Variants in CEP135 observed in about 807,000 individuals in gnomAD.
CEP135 encodes centrosomal protein of 135 kDa.
CEP135 carries 142 observed loss-of-function variants against 157.3 expected under a neutral mutation model. That is an observed-to-expected ratio of 0.90 (90% CI 0.79 to 1.04). CEP135 has a LOEUF of 1.04. Among genes scored for constraint, CEP135 ranks in the 50% least tolerant of loss-of-function variants. The pLI is 0.00. For synonymous variants in CEP135, 396 were observed against 439.8 expected (o/e 0.90, Z 1.25); for missense variants, 1,317 against 1,309.2 (o/e 1.01, Z -0.09).
In CEP135 at chr4:56,011,851, G is replaced by A; in HGVS notation, c.2668G>A (p.Ala890Thr). 6.2e-7 allele frequency: 1 copy of A among 1,604,650 alleles called. No individual in the cohort carries two copies. Among genetic ancestry groups the A allele is most frequent in the Non-Finnish European group, 8.5e-7 (1 of 1,176,730 alleles). Residue 890 changes from alanine to threonine, a missense_variant, in exon 21 of 26, where the codon GCT (alanine) becomes ACT (threonine). By Grantham distance (58) the Ala-to-Thr change is moderately conservative. Coordinates refer to ENST00000257287, the MANE Select transcript of CEP135 (RefSeq NM_025009.5). ...TAGATTTCAGATGCTTCATAACCGTGCTGAAGACTGGGAGGTCAAAGCCCA... is the reference window on the plus strand; with the variant it reads ...TAGATTTCAGATGCTTCATAACCGTACTGAAGACTGGGAGGTCAAAGCCCA... ...LDRFQMLHNRAEDWEVKAHQA... is the reference protein window; with the variant it reads ...LDRFQMLHNRTEDWEVKAHQA...
At chr4:55,981,443 T>C (rs1729406469) in intron 13 of CEP135, 64 bp downstream of exon 13, 1 of 1,452,910 alleles carries the variant, frequency 6.9e-7, no homozygotes, top group Non-Finnish European at 9.2e-7. Context: ...TGTATATACA[T>C]TTTCCTGTGA....
chr4:55,965,395 T>C, intron 7 of CEP135: 1 of 364,830 alleles, frequency 2.7e-6, no homozygotes, highest in East Asian at 5.8e-5. Context: ...GAACTCTGTA[T>C]TGGGAAAAAG....
chr4:55,964,432 T>C, intron 7 of CEP135, 30 bp downstream of exon 7: 1 of 1,542,298 alleles, frequency 6.5e-7, no homozygotes. Flanking sequence ...TTTCACTGAG[T>C]GTATATAATG....
intron 21 of CEP135, among the ~76,000 whole-genome samples, chr4:56,015,437 G>T (rs1014725973): frequency 1.3e-5 from 2 of 152,234 alleles, no homozygotes; most frequent in African/African-American, 4.8e-5. Flanking sequence ...TCCAGATGAT[G>T]GAGCTACTGT....
rs1473650117 is a variant in CEP135, at chr4:55,981,245, G to C, written c.1645G>C (p.Ala549Pro). 6.3e-7 allele frequency: 1 copy of C among 1,586,972 alleles called. No individual in the cohort carries two copies. Among genetic ancestry groups the C allele is most frequent in the Non-Finnish European group, 8.5e-7 (1 of 1,172,440 alleles). ...LYNEAQEELS[A>P]LRKESTQTTA... Reference sequence around the variant, plus strand: ...CTTTAAGGCTCAGGAAGAATTATCTGCCCTAAGAAAGGAATCCACCCAAAC... The same window carrying C: ...CTTTAAGGCTCAGGAAGAATTATCTCCCCTAAGAAAGGAATCCACCCAAAC... The change falls in exon 13 of 26, where the codon GCC becomes CCC. Residue 549 changes from alanine to proline, a missense_variant. Transcript: ENST00000257287.
chr4:56,012,067 A>G, intron 21 of CEP135, 82 bp downstream of exon 21: 2 of 927,126 alleles, frequency 2.2e-6, no homozygotes, highest in Non-Finnish European at 2.9e-6. Flanking sequence ...TTATTTATTT[A>G]TTTTTTTTGA....
intron 19 of CEP135, 140 bp downstream of exon 19, chr4:56,010,043 T>A (rs1730516647): frequency 2.1e-6 from 2 of 948,854 alleles, no homozygotes; most frequent in Admixed American, 2.9e-5. Flanking sequence ...ATGGTGTTTA[T>A]CAGGGTATTA....
chr4:55,988,190 A>G (rs1263564164), intron 14 of CEP135, among the ~76,000 whole-genome samples: 1 of 144,088 alleles, frequency 6.9e-6, no homozygotes, highest in African/African-American at 2.6e-5. Flanking sequence ...TATAGAGTTG[A>G]GGTAGCTGTA....
intron 23 of CEP135, among the ~76,000 whole-genome samples, chr4:56,019,789 A>T (rs1730912086): frequency 1.3e-5 from 2 of 151,996 alleles, no homozygotes; most frequent in African/African-American, 4.8e-5. Context: ...TACAAAAAAA[A>T]AAAGCCAGGC....
At chr4:56,018,282 A>G (rs1734706826) in intron 22 of CEP135, among the ~76,000 whole-genome samples, 2 of 152,132 alleles carry the variant, frequency 1.3e-5, no homozygotes, top group African/African-American at 4.8e-5. Context: ...CCCAGCCTAC[A>G]ATAGTTACTT....
At chr4:56,008,437 G>A (rs1730436436) in intron 18 of CEP135, 55 bp downstream of exon 18, 1 of 1,354,434 alleles carries the variant, frequency 7.4e-7, no homozygotes, top group Non-Finnish European at 1.0e-6. Context: ...AGTGAATACA[G>A]CTTTATCTAT....
At chr4:55,950,286 T>C (rs1027091352) in intron 1 of CEP135, among the ~76,000 whole-genome samples, 5 of 152,164 alleles carry the variant, frequency 3.3e-5, no homozygotes, top group Non-Finnish European at 5.9e-5. Context: ...TCCTCATGTT[T>C]AAGTAGGGAT....
chr4:56,017,524 T>C lies in CEP135; in HGVS notation c.2803-124T>C. The C allele has an allele frequency of 3.9e-6, 3 of 772,976 alleles. No homozygotes were observed. The South Asian group carries it at 5.9e-5, about 15-fold the overall frequency. 47.9% of individuals were successfully genotyped at this position (772,976 alleles called of 1,614,324 possible). A position where few individuals can be genotyped will look rare whatever the true frequency, so the allele number is the denominator to read the frequency against. Reference sequence around the variant, plus strand: ...AATAGTAGGCAGCTTCCTGAGAGTATTTTAAAATAAGCAAAAATTGGCTGT... The same window carrying C: ...AATAGTAGGCAGCTTCCTGAGAGTACTTTAAAATAAGCAAAAATTGGCTGT... On this transcript the variant is annotated intron_variant, in intron 21 of 25. Coordinates refer to ENST00000257287, the MANE Select transcript of CEP135 (RefSeq NM_025009.5).
rs1811473 is a variant in CEP135, at chr4:55,969,247, C to T, written c.1110+119C>T. ...AGACCATCCAGCCACATCAACATGG[C>T]GAAACCCCGTCTCTACTAAAAATAC... On this transcript the variant is annotated intron_variant, in intron 9 of 25. Transcript: ENST00000257287. The T allele has an allele frequency of 0.51, 358,790 of 698,518 alleles. 93,757 individuals carry two copies. Among genetic ancestry groups the T allele is most frequent in the African/African-American group, 0.67 (36,362 of 54,418 alleles). The allele number at this position is 698,518 out of a possible 1,614,324, so 43.3% of individuals were successfully genotyped here. A position where few individuals can be genotyped will look rare whatever the true frequency, so the allele number is the denominator to read the frequency against.
rs1272878295 is a variant in CEP135 at position 56,031,822 on chromosome 4, TTTC to T, written c.*480_*482del. On this transcript the variant is annotated 3_prime_UTR_variant, in exon 26 of 26. Transcript: ENST00000257287. ...GATGCTATGCTGTCATGCTTAACTT[TTTC>T]TTCTTAAAATTATTCATAGATCTAC... 7 of 152,190 alleles carry T rather than the reference TTTC, an allele frequency of 4.6e-5. No homozygotes were observed. The highest frequency in any genetic ancestry group is 1.7e-4 in the African/African-American group (7 of 41,462). 9.4% of individuals were successfully genotyped at this position (152,190 alleles called of 1,614,324 possible).
At chr4:56,003,471 G>T (rs1331021018) in intron 17 of CEP135, among the ~76,000 whole-genome samples, 1 of 152,154 alleles carries the variant, frequency 6.6e-6, no homozygotes. Context: ...GCCTTCCAAA[G>T]TGCTGGGATT....
At chr4:56,029,940 G>GTA (rs1354401923) in intron 25 of CEP135, among the ~76,000 whole-genome samples, 2 of 152,120 alleles carry the variant, frequency 1.3e-5, no homozygotes, top group African/African-American at 4.8e-5. Flanking sequence ...TATAAACACT[G>GTA]TATACTTAGC....
At chr4:55,960,885 C>T (rs1370545323) in intron 6 of CEP135, 1 of 137,280 alleles carries the variant, frequency 7.3e-6, no homozygotes, top group East Asian at 2.2e-4. Flanking sequence ...GAGATCCCGC[C>T]ACTGCACTCC....
intron 6 of CEP135, among the ~76,000 whole-genome samples, chr4:55,963,005 T>A (rs1402035303): frequency 6.6e-6 from 1 of 152,198 alleles, no homozygotes; most frequent in African/African-American, 2.4e-5. Context: ...ACTGAACTTT[T>A]TCTCTTCTGG....
Sources: gnomAD v4.1 joint callset for allele counts (sites outside exome capture counted in the v4.1 genomes callset) on GRCh38, gnomAD v4.1.1 for gene constraint, MANE v1.5 for transcripts, NCBI Gene and HGNC (gene_info 2026-07-23, HGNC 2026-07-21) for gene names.